The following NUDCD3 variants were observed in gnomAD, a reference collection of about 807,000 sequenced individuals.
The protein encoded by NUDCD3 is nudC domain-containing protein 3.
A neutral mutation model predicts 39.7 loss-of-function variants in NUDCD3; 13 were observed. The observed-to-expected ratio is 0.33, with a 90% CI of 0.21 to 0.52. The LOEUF is 0.52. Among genes scored for constraint, NUDCD3 ranks in the 20% least tolerant of loss-of-function variants. The probability of loss-of-function intolerance (pLI) is 0.96; values close to 1 mark genes in which losing one functional copy is unlikely to be tolerated. For synonymous variants in NUDCD3, 175 were observed against 172.4 expected (o/e 1.02, Z -0.12); for missense variants, 453 against 458.1 (o/e 0.99, Z 0.10).
At chr7:44,456,324 G>T (rs1476955621) in intron 2 of NUDCD3, among the ~76,000 whole-genome samples, 1 of 152,012 alleles carries the variant, frequency 6.6e-6, no homozygotes, top group African/African-American at 2.4e-5. Context: ...TAACCAGAAA[G>T]AATTTAAGGA....
At chr7:44,474,806 C>G (rs1221718137) in intron 2 of NUDCD3, among the ~76,000 whole-genome samples, 20 of 152,202 alleles carry the variant, frequency 1.3e-4, no homozygotes, top group Non-Finnish European at 4.4e-5. Flanking sequence ...TGATTTAAGT[C>G]AAATCGCTTG....
chr7:44,477,023 C>T (rs1175245516), intron 2 of NUDCD3, among the ~76,000 whole-genome samples: 1 of 148,144 alleles, frequency 6.8e-6, no homozygotes, highest in Non-Finnish European at 1.5e-5. Context: ...CCAAATGATG[C>T]CATTCCCTTC....
At chr7:44,418,011 C>CA (rs1444802726) in intron 3 of NUDCD3, among the ~76,000 whole-genome samples, 1 of 152,180 alleles carries the variant, frequency 6.6e-6, no homozygotes, top group Non-Finnish European at 1.5e-5. Flanking sequence ...GCAAAAGTCT[C>CA]AGTCTTCTTA....
At chr7:44,476,099 G>T (rs566816494) in intron 2 of NUDCD3, among the ~76,000 whole-genome samples, 2 of 152,212 alleles carry the variant, frequency 1.3e-5, no homozygotes, top group East Asian at 3.9e-4. Context: ...CTACAAAGGG[G>T]TCTCCTGCAA....
intron 2 of NUDCD3, among the ~76,000 whole-genome samples, chr7:44,454,850 C>T (rs1799862886): frequency 1.3e-5 from 2 of 152,026 alleles, no homozygotes; most frequent in Middle Eastern, 3.4e-3. Flanking sequence ...AGGAGGATTG[C>T]TTAAGCCCAG....
intron 2 of NUDCD3, among the ~76,000 whole-genome samples, chr7:44,442,081 G>A (rs1248363930): frequency 6.6e-6 from 1 of 152,170 alleles, no homozygotes; most frequent in African/African-American, 2.4e-5. Context: ...GGGTTAATGA[G>A]TGAATAGATA....
At chr7:44,430,604 A>AC (rs552605354) in intron 2 of NUDCD3, among the ~76,000 whole-genome samples, 7 of 151,222 alleles carry the variant, frequency 4.6e-5, no homozygotes, top group Admixed American at 6.6e-5. Context: ...ACACACACAC[A>AC]AAAGACCAAC....
At chr7:44,453,645 T>C (rs1799836825) in intron 2 of NUDCD3, among the ~76,000 whole-genome samples, 1 of 152,168 alleles carries the variant, frequency 6.6e-6, no homozygotes, top group African/African-American at 2.4e-5. Flanking sequence ...ATCCAGGTAA[T>C]ATCTGACACA....
intron 3 of NUDCD3, among the ~76,000 whole-genome samples, chr7:44,410,663 C>CA (rs1283655107): frequency 1.6e-3 from 181 of 111,092 alleles, no homozygotes; most frequent in African/African-American, 3.3e-3. Context: ...GACTCTGTCT[C>CA]AAAAAAAAAA....
chr7:44,479,689 A>C (rs987503965), intron 2 of NUDCD3, among the ~76,000 whole-genome samples: 1 of 152,212 alleles, frequency 6.6e-6, no homozygotes, highest in African/African-American at 2.4e-5. Context: ...TCTAAGACTT[A>C]GATTCTCAGA....
At chr7:44,471,353 AT>A (rs1451680316) in intron 2 of NUDCD3, among the ~76,000 whole-genome samples, 5 of 152,100 alleles carry the variant, frequency 3.3e-5, no homozygotes, top group Non-Finnish European at 5.9e-5. Context: ...TTGTATTGTT[AT>A]TTTTTATGGT....
At chr7:44,439,093 A>G (rs1799526865) in intron 2 of NUDCD3, among the ~76,000 whole-genome samples, 1 of 152,224 alleles carries the variant, frequency 6.6e-6, no homozygotes, top group South Asian at 2.1e-4. Flanking sequence ...GAGGAGGAGT[A>G]GCGAGTGAGC....
chr7:44,425,687 C>A (rs890049545), intron 3 of NUDCD3, among the ~76,000 whole-genome samples: 1 of 151,984 alleles, frequency 6.6e-6, no homozygotes, highest in Non-Finnish European at 1.5e-5. Flanking sequence ...AACAGCAGGA[C>A]CCTATCTCTA....
intron 3 of NUDCD3, among the ~76,000 whole-genome samples, chr7:44,413,509 T>C (rs1179776731): frequency 1.3e-5 from 2 of 151,948 alleles, no homozygotes; most frequent in African/African-American, 4.8e-5. Flanking sequence ...TAATAGAAAA[T>C]GGGCAAAAGA....
chr7:44,436,372 C>T (rs1022927680), intron 2 of NUDCD3, among the ~76,000 whole-genome samples: 14 of 152,226 alleles, frequency 9.2e-5, no homozygotes, highest in African/African-American at 2.4e-4. Flanking sequence ...GTTTCGTGGG[C>T]GTTCATTATG....
intron 3 of NUDCD3, among the ~76,000 whole-genome samples, chr7:44,425,121 A>T (rs1799209017): frequency 6.6e-6 from 1 of 152,160 alleles, no homozygotes; most frequent in African/African-American, 2.4e-5. Context: ...GGAGGGGAAC[A>T]TCATACACCA....
chr7:44,423,339 A>T (rs1004688872), intron 3 of NUDCD3, among the ~76,000 whole-genome samples: 5 of 152,186 alleles, frequency 3.3e-5, no homozygotes, highest in African/African-American at 1.2e-4. Flanking sequence ...ATAGGAAGGG[A>T]GGAAGTCAAA....
chr7:44,443,574 C>T (rs57798230), intron 2 of NUDCD3, among the ~76,000 whole-genome samples: 198 of 152,246 alleles, frequency 1.3e-3, no homozygotes, highest in African/African-American at 4.5e-3. Context: ...TCACACCCAG[C>T]TAATTTTTGT....
intron 2 of NUDCD3, among the ~76,000 whole-genome samples, chr7:44,474,206 C>G (rs903888436): frequency 1.3e-5 from 2 of 149,528 alleles, no homozygotes; most frequent in Non-Finnish European, 3.0e-5. Context: ...ACCAAGCTAG[C>G]ATAAAAAGAA....
Sources: gnomAD v4.1 joint callset for allele counts (sites outside exome capture counted in the v4.1 genomes callset) on GRCh38, gnomAD v4.1.1 for gene constraint, MANE v1.5 for transcripts, NCBI Gene and HGNC (gene_info 2026-07-23, HGNC 2026-07-21) for gene names.